Variants in RHOJ observed in about 807,000 individuals in gnomAD.
The protein encoded by RHOJ is ras homolog family member J.
Under a neutral mutation model 23.4 loss-of-function variants are expected in RHOJ, and 11 were observed. That is an observed-to-expected ratio of 0.47 (90% CI 0.30 to 0.78). The LOEUF (loss-of-function observed/expected upper bound fraction) is 0.78, where lower values mean the gene tolerates loss of function less well. Ranked by LOEUF, RHOJ falls within the 30% of genes least tolerant of loss-of-function variation. The pLI is 0.08. For missense variants in RHOJ, 254 were observed against 273.4 expected (o/e 0.93, Z 0.50); for synonymous variants, 102 against 102.7 (o/e 0.99, Z 0.04).
intron 1 of RHOJ, among the ~76,000 whole-genome samples, chr14:63,244,616 T>A (rs1039271689): frequency 6.6e-6 from 1 of 152,122 alleles, no homozygotes; most frequent in Non-Finnish European, 1.5e-5. Context: ...TTGAAAATTG[T>A]CATCTTTGAA....
At chr14:63,252,375 G>T (rs536890229) in intron 1 of RHOJ, among the ~76,000 whole-genome samples, 3 of 152,046 alleles carry the variant, frequency 2.0e-5, no homozygotes, top group Non-Finnish European at 2.9e-5. Flanking sequence ...ATAAGCCAAG[G>T]TATATATTTA....
chr14:63,266,014 T>A (rs567693556), intron 1 of RHOJ, among the ~76,000 whole-genome samples: 3 of 152,266 alleles, frequency 2.0e-5, no homozygotes, highest in Admixed American at 2.0e-4. Flanking sequence ...GAACAAACGG[T>A]AAGCGTCTCT....
At chr14:63,232,502 A>G (rs549661793) in intron 1 of RHOJ, among the ~76,000 whole-genome samples, 1 of 152,252 alleles carries the variant, frequency 6.6e-6, no homozygotes, top group African/African-American at 2.4e-5. Flanking sequence ...TCTAAAGCCA[A>G]TGCACCCTGG....
chr14:63,205,352 T>C (rs1464914016), intron 1 of RHOJ, among the ~76,000 whole-genome samples: 5 of 152,194 alleles, frequency 3.3e-5, no homozygotes, highest in African/African-American at 1.2e-4. Flanking sequence ...CATTAAAGTT[T>C]TACTGTGAAC....
At chr14:63,233,723 C>T (rs1894737484) in intron 1 of RHOJ, among the ~76,000 whole-genome samples, 1 of 152,284 alleles carries the variant, frequency 6.6e-6, no homozygotes, top group South Asian at 2.1e-4. Context: ...ATTTAGTCAT[C>T]CTCTCTTCCC....
chr14:63,237,925 G>T (rs558674706), intron 1 of RHOJ, among the ~76,000 whole-genome samples: 13 of 152,010 alleles, frequency 8.6e-5, no homozygotes, highest in African/African-American at 3.1e-4. Flanking sequence ...TTTTCTTGCC[G>T]CTTACGCCTG....
At chr14:63,234,368 CTGT>C (rs1261044570) in intron 1 of RHOJ, among the ~76,000 whole-genome samples, 1 of 152,194 alleles carries the variant, frequency 6.6e-6, no homozygotes, top group Non-Finnish European at 1.5e-5. Context: ...ATATCATGTT[CTGT>C]TGTTCATCTT....
intron 1 of RHOJ, among the ~76,000 whole-genome samples, chr14:63,249,206 G>C (rs1461392531): frequency 6.6e-6 from 1 of 152,166 alleles, no homozygotes; most frequent in East Asian, 1.9e-4. Flanking sequence ...TCCTTACAGA[G>C]CAAAAAGCTT....
At chr14:63,263,040 C>T (rs1365388442) in intron 1 of RHOJ, among the ~76,000 whole-genome samples, 1 of 152,156 alleles carries the variant, frequency 6.6e-6, no homozygotes. Context: ...TCGTTTAGTA[C>T]CCACCATAGG....
chr14:63,215,696 G>T (rs1039383503), intron 1 of RHOJ, among the ~76,000 whole-genome samples: 1 of 152,078 alleles, frequency 6.6e-6, no homozygotes, highest in Non-Finnish European at 1.5e-5. Context: ...TCCACAAAGG[G>T]GGCCCACTCT....
chr14:63,269,356 T>C, intron 2 of RHOJ, 188 bp downstream of exon 2: 2 of 484,378 alleles, frequency 4.1e-6, no homozygotes, highest in South Asian at 3.7e-5. Flanking sequence ...AAAATCTAAA[T>C]TGTTACATCA....
chr14:63,263,542 G>A (rs1232778759), intron 1 of RHOJ, among the ~76,000 whole-genome samples: 1 of 152,126 alleles, frequency 6.6e-6, no homozygotes, highest in Non-Finnish European at 1.5e-5. Context: ...GCCGAGAAGA[G>A]GAAATGAAAA....
chr14:63,283,681 A>G (rs1298413106), intron 4 of RHOJ, among the ~76,000 whole-genome samples: 1 of 152,190 alleles, frequency 6.6e-6, no homozygotes, highest in Non-Finnish European at 1.5e-5. Flanking sequence ...CATATAATGA[A>G]TAGCCACTTA....
chr14:63,280,564 A>T (rs1175770496), intron 2 of RHOJ, among the ~76,000 whole-genome samples: 1 of 152,164 alleles, frequency 6.6e-6, no homozygotes, highest in African/African-American at 2.4e-5. Flanking sequence ...TTTAAAGGTA[A>T]GCTGTAAGGA....
intron 2 of RHOJ, among the ~76,000 whole-genome samples, chr14:63,278,427 T>TA (rs1566629146): frequency 6.6e-6 from 1 of 152,156 alleles, no homozygotes; most frequent in East Asian, 1.9e-4. Flanking sequence ...TGGTCTTTTT[T>TA]AAAATTTTTT....
Position 63,292,422 on chromosome 14 carries a change from A to T in RHOJ, c.*1398A>T, listed in dbSNP as rs535637368. 6.6e-6 allele frequency: 1 copy of T among 152,324 alleles called. No homozygotes were observed. Among genetic ancestry groups the T allele is most frequent in the African/African-American group, 2.4e-5 (1 of 41,566 alleles). The allele number at this position is 152,324 out of a possible 1,614,324, so 9.4% of individuals were successfully genotyped here. A position where few individuals can be genotyped will look rare whatever the true frequency, so the allele number is the denominator to read the frequency against. ...CCAGGAATTTTTGTATCATAGAGCGAATTACTTCCTATCTTTTCATTAGAG... is the reference window on the plus strand; with the variant it reads ...CCAGGAATTTTTGTATCATAGAGCGTATTACTTCCTATCTTTTCATTAGAG... On this transcript the variant is annotated 3_prime_UTR_variant, in exon 5 of 5. Coordinates refer to ENST00000316754, the MANE Select transcript of RHOJ (RefSeq NM_020663.5).
At chr14:63,206,232 G>A (rs146898883) in intron 1 of RHOJ, among the ~76,000 whole-genome samples, 115 of 152,284 alleles carry the variant, frequency 7.6e-4, no homozygotes, top group Middle Eastern at 3.4e-3. Context: ...GAGAACCACA[G>A]TGAATACAGT....
At chr14:63,278,539 C>A (rs1881803225) in intron 2 of RHOJ, among the ~76,000 whole-genome samples, 1 of 151,742 alleles carries the variant, frequency 6.6e-6, no homozygotes, top group South Asian at 2.1e-4. Context: ...AACCCGTTAT[C>A]TAATAAATAT....
intron 1 of RHOJ, among the ~76,000 whole-genome samples, chr14:63,211,456 C>G (rs566228526): frequency 6.6e-6 from 1 of 152,202 alleles, no homozygotes; most frequent in South Asian, 2.1e-4. Context: ...CAGAGCAAGA[C>G]TTCATCTCTA....
Sources: allele counts gnomAD v4.1 joint callset (sites outside exome capture counted in the v4.1 genomes callset), GRCh38; gene constraint gnomAD v4.1.1; transcripts MANE v1.5; gene names NCBI Gene and HGNC (gene_info 2026-07-23, HGNC 2026-07-21).